The following UBAP2L variants were observed in gnomAD, a reference collection of about 807,000 sequenced individuals.
UBAP2L encodes the protein ubiquitin-associated protein 2-like.
A neutral mutation model predicts 130.6 loss-of-function variants in UBAP2L; 12 were observed. The ratio of observed to expected loss-of-function variants is 0.09; its 90% CI spans 0.06 to 0.15. UBAP2L has a LOEUF of 0.15. UBAP2L is among the 10% of genes least tolerant of loss of function. The probability of loss-of-function intolerance (pLI) is 1.00; values close to 1 mark genes in which losing one functional copy is unlikely to be tolerated. For synonymous variants in UBAP2L, 503 were observed against 524.7 expected, an observed-to-expected ratio of 0.96 and a Z score of 0.57; for missense variants, 965 against 1,332.5, an observed-to-expected ratio of 0.72 and a Z score of 4.29.
chr1:154,235,145 G>A, intron 5 of UBAP2L, 51 bp from the exon 6 acceptor site: 1 of 715,562 alleles, frequency 1.4e-6, no homozygotes, highest in South Asian at 1.5e-5. Context: ...GGCCATCTGT[G>A]GTTTGGTTTT....
chr1:154,263,105 A>G (rs765823040), intron 24 of UBAP2L: 3 of 1,551,768 alleles, frequency 1.9e-6, no homozygotes, highest in African/African-American at 1.4e-5. Flanking sequence ...CCTTTTAGGA[A>G]GAAAATATCC....
In UBAP2L at chr1:154,220,960, T is replaced by C; in HGVS notation, c.-56T>C. ...GGGGCGGCGCGGCCCGGGGTGTCAG[T>C]GTGGAGGAGACTGAGGTAAAGTTGG... On this transcript the variant is annotated 5_prime_UTR_variant, in exon 1 of 27. Coordinates refer to ENST00000428931, the MANE Select transcript of UBAP2L (RefSeq NM_014847.4). 2 of 189,470 alleles carry C rather than the reference T, an allele frequency of 1.1e-5. No individual in the cohort carries two copies. Among genetic ancestry groups the C allele is most frequent in the South Asian group, 1.3e-4 (2 of 15,626 alleles). 11.7% of individuals were successfully genotyped at this position (189,470 alleles called of 1,614,324 possible). A position where few individuals can be genotyped will look rare whatever the true frequency, so the allele number is the denominator to read the frequency against.
At chr1:154,227,180 A>G (rs1668232348) in intron 2 of UBAP2L, 102 bp from the exon 3 acceptor site, 4 of 974,286 alleles carry the variant, frequency 4.1e-6, no homozygotes, top group Non-Finnish European at 4.8e-6. Flanking sequence ...CATTTGTTAC[A>G]AGGAAAAGAA....
Position 154,237,106 on chromosome 1 carries a change from A to C in UBAP2L, c.673A>C (p.Thr225Pro). The C allele has an allele frequency of 6.2e-7, 1 of 1,614,166 alleles. No individual in the cohort carries two copies. The highest frequency in any genetic ancestry group is 1.1e-5 in the South Asian group (1 of 91,084). ...TAGCAGCGGCAATACGTGGAACAAC[A>C]CTGGCCACTTTGAACCAGATGATGG... ...GNSSGNTWNNTGHFEPDDGTS... is the reference protein window; with the variant it reads ...GNSSGNTWNNPGHFEPDDGTS... The change falls in exon 8 of 27, where the codon ACT becomes CCT. Residue 225 changes from threonine (T) to proline (P), a missense_variant. Transcript: ENST00000428931.
Position 154,261,061 on chromosome 1 carries a change from G to C in UBAP2L, c.2748G>C (p.Gly916=), listed in dbSNP as rs144103198. 121 of 1,614,094 alleles carry C rather than the reference G, an allele frequency of 7.5e-5. 1 individual carries two copies. The South Asian group carries it at 1.2e-3, about 17-fold the overall frequency. The change falls in exon 23 of 27, where the codon GGG becomes GGC. Residue 916 remains glycine, a synonymous_variant. Transcript: ENST00000428931. ...ACACCAGCCTGCCATACTATACAGG[G>C]GTCCCGGGCCTCCCCAGCACCTTCC... ...YSYTSLPYYT[G]VPGLPSTFQY...
intron 4 of UBAP2L, among the ~76,000 whole-genome samples, chr1:154,233,675 G>T (rs1053905201): frequency 2.0e-5 from 3 of 150,816 alleles, no homozygotes; most frequent in Non-Finnish European, 2.9e-5. Flanking sequence ...GTGTGTGTGT[G>T]TGTCTGTAGG....
intron 4 of UBAP2L, among the ~76,000 whole-genome samples, chr1:154,230,075 C>T (rs999050386): frequency 1.3e-5 from 2 of 152,000 alleles, no homozygotes; most frequent in Non-Finnish European, 1.5e-5. Context: ...GAGTACATCT[C>T]GGCTCACTGC....
At chr1:154,271,269 G>T, downstream of UBAP2L, 1 of 234,902 alleles carries the variant, frequency 4.3e-6, no homozygotes, top group Non-Finnish European at 8.4e-6. Context: ...ATGGGTCCAG[G>T]CAAATAAACT....
rs1553287948 is a variant in UBAP2L, at chr1:154,270,775, T to TTG, written c.*481_*482insGT. 3.4e-5 allele frequency: 42 copies of TTG among 1,225,710 alleles called. No homozygotes were observed. The highest frequency in any genetic ancestry group is 1.1e-4 in the South Asian group (4 of 37,046). 75.9% of individuals were successfully genotyped at this position (1,225,710 alleles called of 1,614,324 possible). ...GTTGAAGTGGTTTTTTTTTTGTTTT[T>TTG]TTTTTTTTTTTGTACTGTGTCCTCA... On this transcript the variant is annotated 3_prime_UTR_variant, in exon 27 of 27. Coordinates refer to ENST00000428931, the MANE Select transcript of UBAP2L (RefSeq NM_014847.4).
chr1:154,225,009 G>T, intron 1 of UBAP2L, 75 bp from the exon 2 acceptor site: 3 of 840,956 alleles, frequency 3.6e-6, no homozygotes, highest in Non-Finnish European at 5.7e-6. Context: ...GTGTTTGGTG[G>T]TGAAGGTGCT....
Position 154,268,864 on chromosome 1 carries a change from C to T in UBAP2L, c.3078C>T (p.Ala1026=), listed in dbSNP as rs2149112106. The change falls in exon 26 of 27, where the codon GCC becomes GCT. Residue 1026 remains alanine, a synonymous_variant. Coordinates refer to ENST00000428931, the MANE Select transcript of UBAP2L (RefSeq NM_014847.4). The stretch of plus-strand genomic sequence containing the variant: ...CCATCAATCCGGCCACAGCTGCTGC[C>T]TACCCACCTGCCCCCTTTATGCACA... ...GGPINPATAA[A]YPPAPFMHIL... 6.2e-7 allele frequency: 1 copy of T among 1,614,150 alleles called. No individual in the cohort carries two copies. Among genetic ancestry groups the T allele is most frequent in the East Asian group, 2.2e-5 (1 of 44,880 alleles).
At chr1:154,254,125 A>T (rs759995326) in intron 15 of UBAP2L, 36 bp downstream of exon 15, 18 of 1,461,502 alleles carry the variant, frequency 1.2e-5, no homozygotes, top group African/African-American at 1.5e-5. Context: ...ATTGGTTAGG[A>T]GAATAGTGGG....
chr1:154,267,716 A>G (rs1683697846), intron 25 of UBAP2L, among the ~76,000 whole-genome samples: 1 of 150,754 alleles, frequency 6.6e-6, no homozygotes, highest in South Asian at 2.1e-4. Context: ...CTCGTCTCGA[A>G]CTCCTGGGCT....
chr1:154,262,108 C>T (rs1306199766), intron 24 of UBAP2L, among the ~76,000 whole-genome samples: 1 of 152,174 alleles, frequency 6.6e-6, no homozygotes, highest in African/African-American at 2.4e-5. Context: ...TAGCAGCCTA[C>T]GATAGGTTTG....
At chr1:154,269,261 G>T in intron 26 of UBAP2L, 1 of 1,199,110 alleles carries the variant, frequency 8.3e-7, no homozygotes. Context: ...TCCTCTCCCA[G>T]CCTTCCCTCT....
intron 3 of UBAP2L, among the ~76,000 whole-genome samples, chr1:154,227,949 G>T (rs763725746): frequency 2.6e-5 from 4 of 152,098 alleles, no homozygotes; most frequent in Non-Finnish European, 5.9e-5. Flanking sequence ...GCAGTTGTGG[G>T]TATAGGAAAT....
rs1043249083 is a variant in UBAP2L at position 154,236,466 on chromosome 1, C to A, written c.545-100C>A. The A allele has an allele frequency of 2.3e-6, 3 of 1,292,914 alleles. No individual in the cohort carries two copies. The Admixed American group carries it at 5.1e-5, about 22-fold the overall frequency. The allele number at this position is 1,292,914 out of a possible 1,614,324, so 80.1% of individuals were successfully genotyped here. On this transcript the variant is annotated intron_variant, in intron 6 of 26. Transcript: ENST00000428931. The stretch of plus-strand genomic sequence containing the variant: ...CGCCCGCCCTCAGCCTTTCAAAGTG[C>A]TGGGATTACCACCGGGAGCCACTGT...
At chr1:154,253,383 ATTT>A (rs1173992099) in intron 14 of UBAP2L, among the ~76,000 whole-genome samples, 8 of 123,746 alleles carry the variant, frequency 6.5e-5, no homozygotes, top group Non-Finnish European at 8.5e-5. Flanking sequence ...TGTTTTTAAG[ATTT>A]TTTTTTTTTT....
In UBAP2L at chr1:154,269,653, C is replaced by A. The variant is rs372636633; in HGVS notation, c.3169-547C>A. 1,190 of 346,612 alleles carry A rather than the reference C, an allele frequency of 3.4e-3. 18 individuals are homozygous for A. Among genetic ancestry groups the A allele is most frequent in the South Asian group, 0.026 (1,165 of 44,600 alleles). The allele number at this position is 346,612 out of a possible 1,614,324, so 21.5% of individuals were successfully genotyped here. The stretch of plus-strand genomic sequence containing the variant: ...TTCGGTTACCAGAATGGAAAAGATT[C>A]TTGGGGCAGCATCTGGAGCCTGAGG... On this transcript the variant is annotated intron_variant, in intron 26 of 26. Coordinates refer to ENST00000428931, the MANE Select transcript of UBAP2L (RefSeq NM_014847.4).
Sources: allele counts gnomAD v4.1 joint callset (sites outside exome capture counted in the v4.1 genomes callset), GRCh38; gene constraint gnomAD v4.1.1; transcripts MANE v1.5; gene names NCBI Gene and HGNC (gene_info 2026-07-23, HGNC 2026-07-21).